The following SYNE2 variants were observed in gnomAD, a reference collection of about 807,000 sequenced individuals.
SYNE2 encodes the protein nesprin-2.
SYNE2 carries 431 observed loss-of-function variants against 856.3 expected under a neutral mutation model. The ratio of observed to expected loss-of-function variants is 0.50; its 90% CI spans 0.47 to 0.55. The LOEUF is 0.55. SYNE2 is among the 20% of genes least tolerant of loss of function. The pLI, the probability that SYNE2 is intolerant of heterozygous loss-of-function variation, is 0.00. For synonymous variants in SYNE2, 2,923 were observed against 2,872.3 expected (o/e 1.02, Z -0.56); for missense variants, 8,129 against 8,023.2 (o/e 1.01, Z -0.50).
intron 43 of SYNE2, among the ~76,000 whole-genome samples, chr14:64,028,162 C>A (rs2096996700): frequency 6.6e-6 from 1 of 152,028 alleles, no homozygotes; most frequent in Non-Finnish European, 1.5e-5. Flanking sequence ...GCCTTGGCCT[C>A]CCAAAGTGCT....
chr14:64,140,103 T>A (rs750487619), intron 80 of SYNE2, 30 bp downstream of exon 80: 3 of 1,601,002 alleles, frequency 1.9e-6, no homozygotes, highest in Non-Finnish European at 8.5e-7. Context: ...GTTCAGTTAA[T>A]TACTGGTCAG....
At chr14:64,184,328 G>GT (rs2098477413) in intron 96 of SYNE2, among the ~76,000 whole-genome samples, 2 of 132,510 alleles carry the variant, frequency 1.5e-5, no homozygotes, top group South Asian at 2.4e-4. Flanking sequence ...GTATGCATAG[G>GT]GGTGTGTGTG....
At chr14:64,076,740 ATT>A (rs35509549) in intron 54 of SYNE2, among the ~76,000 whole-genome samples, 6,495 of 122,176 alleles carry the variant, frequency 0.053, 327 homozygotes, top group African/African-American at 0.15. Flanking sequence ...CCACAGAAGG[ATT>A]TTTTTTTTTT....
intron 82 of SYNE2, among the ~76,000 whole-genome samples, chr14:64,142,647 C>A (rs886288269): frequency 6.6e-6 from 1 of 152,120 alleles, no homozygotes; most frequent in Non-Finnish European, 1.5e-5. Flanking sequence ...GTTTATTTGC[C>A]TGTCTCCCCA....
chr14:64,225,739 C>A lies in SYNE2; in HGVS notation c.*213C>A. 1 of 619,460 alleles carries A rather than the reference C, an allele frequency of 1.6e-6. No homozygotes were observed. Among genetic ancestry groups the A allele is most frequent in the African/African-American group, 1.8e-5 (1 of 54,592 alleles). The allele number at this position is 619,460 out of a possible 1,614,324, so 38.4% of individuals were successfully genotyped here. The stretch of plus-strand genomic sequence containing the variant: ...AGCAGGGAACCTGTGTGGCAGGTGC[C>A]CCGGGTATTTTGGCAGAACTAGTTG... On this transcript the variant is annotated 3_prime_UTR_variant, in exon 116 of 116. Transcript: ENST00000555002.
chr14:64,219,452 C>T, intron 110 of SYNE2, 42 bp downstream of exon 110: 2 of 1,582,116 alleles, frequency 1.3e-6, no homozygotes, highest in Admixed American at 3.3e-5. Flanking sequence ...TCAGAATGTG[C>T]ATGTGAACGC....
chr14:64,071,017 G>A (rs1428134880), intron 52 of SYNE2, 107 bp downstream of exon 52: 7 of 1,164,982 alleles, frequency 6.0e-6, no homozygotes, highest in Non-Finnish European at 7.5e-6. Flanking sequence ...TAGAATTGAG[G>A]TGAGACAACA....
At chr14:63,945,341 G>T (rs938971545) in intron 6 of SYNE2, among the ~76,000 whole-genome samples, 1 of 151,940 alleles carries the variant, frequency 6.6e-6, no homozygotes, top group South Asian at 2.1e-4. Context: ...GGTGAGCACC[G>T]CTTTGAGCTC....
At chr14:64,202,661 T>C (rs1230835339) in intron 99 of SYNE2, 140 bp from the exon 100 acceptor site, 1 of 1,076,678 alleles carries the variant, frequency 9.3e-7, no homozygotes, top group African/African-American at 1.6e-5. Flanking sequence ...GTTGTTCTGA[T>C]ATAAAATCAA....
intron 55 of SYNE2, among the ~76,000 whole-genome samples, chr14:64,080,120 C>T (rs749845625): frequency 1.3e-5 from 2 of 152,078 alleles, no homozygotes; most frequent in Non-Finnish European, 2.9e-5. Context: ...TTTCCCCAAG[C>T]CCTTTTTAAA....
At chr14:64,063,281 C>T (rs532803910) in intron 50 of SYNE2, among the ~76,000 whole-genome samples, 6 of 152,168 alleles carry the variant, frequency 3.9e-5, no homozygotes, top group Non-Finnish European at 4.4e-5. Flanking sequence ...CTCCTGACTT[C>T]AAGCCATCCT....
At chr14:64,223,490 G>C in intron 113 of SYNE2, 110 bp downstream of exon 113, 1 of 1,230,386 alleles carries the variant, frequency 8.1e-7, no homozygotes, top group Non-Finnish European at 1.2e-6. Flanking sequence ...GGGCCAGGTG[G>C]TCCGAGTGGG....
At position 64,053,301 on chromosome 14, in the gene SYNE2, AATG is replaced by A; in HGVS notation, c.9391_9393del (p.Asp3131del). On this transcript the variant is annotated inframe_deletion, in exon 48 of 116. Coordinates refer to ENST00000555002, the MANE Select transcript of SYNE2 (RefSeq NM_182914.3). ...ACAAATAAAGCTGAATGCAGAAGAA[AATG>A]ATAAGTTATACAAAGTTCTCCAAAA... The A allele has an allele frequency of 6.2e-7, 1 of 1,608,366 alleles. No individual in the cohort carries two copies. Among genetic ancestry groups the A allele is most frequent in the Non-Finnish European group, 8.5e-7 (1 of 1,178,466 alleles).
At chr14:63,836,153 C>T (rs1238268850) in intron 1 of SYNE2, among the ~76,000 whole-genome samples, 1 of 152,172 alleles carries the variant, frequency 6.6e-6, no homozygotes, top group African/African-American at 2.4e-5. Context: ...TCTCAAGTAG[C>T]TGGAACTACA....
intron 32 of SYNE2, among the ~76,000 whole-genome samples, chr14:64,014,929 TTATATATATATATATA>T (rs372523173): frequency 0.018 from 1,403 of 78,722 alleles, 27 homozygotes; most frequent in South Asian, 0.052. Flanking sequence ...GTATAATTCC[TTATATATATATATATA>T]TATATATATA....
chr14:64,001,024 C>T (rs2096750373), intron 28 of SYNE2, among the ~76,000 whole-genome samples: 1 of 152,144 alleles, frequency 6.6e-6, no homozygotes, highest in South Asian at 2.1e-4. Context: ...TCGACCAAGT[C>T]ACATAAACTC....
intron 32 of SYNE2, among the ~76,000 whole-genome samples, chr14:64,013,724 C>T (rs865979498): frequency 2.0e-5 from 3 of 152,284 alleles, no homozygotes; most frequent in African/African-American, 7.2e-5. Context: ...ATGTATCAGT[C>T]AGCATCTAGT....
chr14:64,127,639 G>C lies in SYNE2; in HGVS notation c.13918-813G>C, dbSNP rs1366512296. Among the ~76,000 whole-genome samples the C allele has an allele frequency of 2.6e-5, 4 of 152,156 alleles. No homozygotes were observed. The East Asian group carries it at 5.8e-4, about 22-fold the overall frequency. ...ATGTTTCAGGTAGATTCCTCCAGCA[G>C]TTGTCTAAAGTGAATTGGAGAGGCA... On this transcript the variant is annotated intron_variant, in intron 73 of 115. Transcript: ENST00000555002.
chr14:63,911,868 C>T (rs565758865), intron 2 of SYNE2, among the ~76,000 whole-genome samples: 12 of 152,290 alleles, frequency 7.9e-5, no homozygotes, highest in African/African-American at 2.4e-4. Context: ...TGAGTGGTTT[C>T]TTATAGCATG....
Sources: allele counts gnomAD v4.1 joint callset (sites outside exome capture counted in the v4.1 genomes callset), GRCh38; gene constraint gnomAD v4.1.1; transcripts MANE v1.5; gene names NCBI Gene and HGNC (gene_info 2026-07-23, HGNC 2026-07-21).